EXOC2: variants seen among roughly 807,000 people sequenced by gnomAD.
The protein encoded by EXOC2 is exocyst complex component 2, also known as SEC5-like 1.
Under a neutral mutation model 131.8 loss-of-function variants are expected in EXOC2, and 70 were observed. The observed-to-expected ratio is 0.53, with a 90% CI of 0.44 to 0.65. The LOEUF is 0.65. EXOC2 is among the 30% of genes least tolerant of loss of function. The probability of loss-of-function intolerance (pLI) is 0.00; values close to 1 mark genes in which losing one functional copy is unlikely to be tolerated. For missense variants in EXOC2, 923 were observed against 1,108.6 expected, an observed-to-expected ratio of 0.83 and a Z score of 2.38; for synonymous variants, 411 against 398.4, an observed-to-expected ratio of 1.03 and a Z score of -0.38.
At chr6:539,214 A>G (rs1766655628) in intron 22 of EXOC2, among the ~76,000 whole-genome samples, 1 of 152,242 alleles carries the variant, frequency 6.6e-6, no homozygotes, top group Admixed American at 6.5e-5. Flanking sequence ...GAATTCGTAC[A>G]TATTAGCACT....
intron 24 of EXOC2, among the ~76,000 whole-genome samples, chr6:498,798 G>T (rs189254442): frequency 6.6e-5 from 10 of 152,104 alleles, no homozygotes; most frequent in African/African-American, 2.4e-4. Flanking sequence ...ACCCTTCTTG[G>T]ATGCTTGTCG....
In EXOC2 at chr6:491,648, C is replaced by A. The variant is rs574256121; in HGVS notation, c.2560-462G>T. On this transcript the variant is annotated intron_variant, in intron 25 of 27. Transcript: ENST00000230449. ...CTGCCTTAATCTCAAAACCTAAACTCTGCTCTATGGATTCAATGCAATCTC... is the reference window on the plus strand; with the variant it reads ...CTGCCTTAATCTCAAAACCTAAACTATGCTCTATGGATTCAATGCAATCTC... 2.0e-4 allele frequency among the ~76,000 whole-genome samples: 31 copies of A among 152,374 alleles called. No homozygotes were observed. The South Asian group carries it at 2.5e-3, about 12-fold the overall frequency.
chr6:535,695 G>A (rs1364462599), intron 22 of EXOC2, among the ~76,000 whole-genome samples: 1 of 152,182 alleles, frequency 6.6e-6, no homozygotes, highest in Non-Finnish European at 1.5e-5. Context: ...TCAGGTCCAG[G>A]TGGTTTCATT....
chr6:604,155 T>C (rs1218927976), intron 7 of EXOC2, among the ~76,000 whole-genome samples: 3 of 152,178 alleles, frequency 2.0e-5, no homozygotes, highest in African/African-American at 7.2e-5. Context: ...AGCACGACCC[T>C]CAGGAATCTC....
intron 1 of EXOC2, among the ~76,000 whole-genome samples, chr6:638,665 G>T (rs1345094365): frequency 6.6e-6 from 1 of 152,250 alleles, no homozygotes; most frequent in Non-Finnish European, 1.5e-5. Context: ...GGGTGCGGTG[G>T]CTCATGCCTG....
intron 1 of EXOC2, among the ~76,000 whole-genome samples, chr6:665,690 A>C (rs1180009793): frequency 2.0e-5 from 3 of 152,156 alleles, no homozygotes; most frequent in Non-Finnish European, 4.4e-5. Flanking sequence ...TGGAAAACCA[A>C]ACATCGTGTG....
intron 11 of EXOC2, among the ~76,000 whole-genome samples, chr6:591,737 A>G (rs1759553157): frequency 6.6e-6 from 1 of 152,172 alleles, no homozygotes; most frequent in Non-Finnish European, 1.5e-5. Context: ...GGCACCCAAC[A>G]GTGTCTGCAG....
intron 17 of EXOC2, 31 bp downstream of exon 17, chr6:562,753 T>A: frequency 6.8e-7 from 1 of 1,462,744 alleles, no homozygotes; most frequent in Non-Finnish European, 9.4e-7. Flanking sequence ...TACACACTAA[T>A]GACTAATAAT....
intron 4 of EXOC2, among the ~76,000 whole-genome samples, chr6:628,559 CCTAA>C (rs1270449229): frequency 7.2e-5 from 11 of 152,030 alleles, no homozygotes; most frequent in East Asian, 3.8e-4. Flanking sequence ...CTGAATGAAC[CCTAA>C]CTGATAATTT....
chr6:607,369 C>G (rs1760475163), intron 7 of EXOC2, among the ~76,000 whole-genome samples: 1 of 152,124 alleles, frequency 6.6e-6, no homozygotes, highest in African/African-American at 2.4e-5. Flanking sequence ...TTTTTTTCAT[C>G]AATAAAGCGA....
At chr6:597,117 C>T (rs751557024) in intron 10 of EXOC2, among the ~76,000 whole-genome samples, 5 of 152,134 alleles carry the variant, frequency 3.3e-5, no homozygotes, top group Admixed American at 6.5e-5. Context: ...TTATGTGATA[C>T]TGTTTCTCTC....
In EXOC2 at chr6:555,962, T is replaced by C; in HGVS notation, c.1984A>G (p.Ile662Val). The C allele has an allele frequency of 6.2e-7, 1 of 1,614,160 alleles. No homozygotes were observed. The highest frequency in any genetic ancestry group is 8.5e-7 in the Non-Finnish European group (1 of 1,179,998). ...CTGCTTTCTATTATTACCTGCATTA[T>C]ATTGATGCTTAGCTGGCAAACCTCC... ...QEEVCQLSIN[I>V]MQVFIYCLEQ... The change falls in exon 19 of 28, where the codon ATA becomes GTA. Residue 662 changes from isoleucine (I) to valine (V), a missense_variant. By Grantham distance (29) the Ile-to-Val change is conservative (BLOSUM62 3). Transcript: ENST00000230449.
chr6:559,918 A>AT (rs758053380), intron 17 of EXOC2, among the ~76,000 whole-genome samples: 8 of 152,024 alleles, frequency 5.3e-5, no homozygotes, highest in African/African-American at 1.9e-4. Flanking sequence ...TGAACATATA[A>AT]TTTTTTTCCA....
intron 23 of EXOC2, among the ~76,000 whole-genome samples, chr6:520,816 A>G (rs1459741400): frequency 1.6e-4 from 22 of 135,304 alleles, no homozygotes; most frequent in African/African-American, 6.1e-4. Context: ...TCGGAGATGA[A>G]AACCACCACC....
chr6:529,375 C>T (rs1765935087), intron 23 of EXOC2, among the ~76,000 whole-genome samples: 4 of 149,510 alleles, frequency 2.7e-5, no homozygotes, highest in South Asian at 4.6e-4. Context: ...TGTTTGTTAA[C>T]GGAGGCAGCA....
intron 1 of EXOC2, among the ~76,000 whole-genome samples, chr6:651,916 T>C (rs901157102): frequency 1.3e-5 from 2 of 151,512 alleles, no homozygotes; most frequent in African/African-American, 4.9e-5. Flanking sequence ...ACTAGCCGGG[T>C]GCGGTGGTGC....
chr6:650,557 T>A (rs1040291778), intron 1 of EXOC2, among the ~76,000 whole-genome samples: 2 of 152,250 alleles, frequency 1.3e-5, no homozygotes, highest in African/African-American at 4.8e-5. Flanking sequence ...GGTCTATTGA[T>A]GTTTAATATT....
chr6:552,092 C>T (rs1757174859), intron 21 of EXOC2, among the ~76,000 whole-genome samples: 1 of 152,216 alleles, frequency 6.6e-6, no homozygotes, highest in African/African-American at 2.4e-5. Context: ...GGACCATGAC[C>T]TCCCAGGCAC....
chr6:497,601 T>C, intron 24 of EXOC2, 112 bp from the exon 25 acceptor site: 1 of 1,412,150 alleles, frequency 7.1e-7, no homozygotes, highest in South Asian at 1.8e-5. Context: ...GACTTCTAAG[T>C]CATTTTTAAA....
Sources: allele counts gnomAD v4.1 joint callset (sites outside exome capture counted in the v4.1 genomes callset), GRCh38; gene constraint gnomAD v4.1.1; transcripts MANE v1.5; gene names NCBI Gene and HGNC (gene_info 2026-07-23, HGNC 2026-07-21).